ARNT2: variants seen among roughly 807,000 people sequenced by gnomAD.
The protein encoded by ARNT2 is aryl hydrocarbon receptor nuclear translocator 2, also known as ARNT protein 2.
ARNT2 carries 36 observed loss-of-function variants against 91.7 expected under a neutral mutation model. That is an observed-to-expected ratio of 0.39 (90% confidence interval 0.30 to 0.52). ARNT2 has a LOEUF of 0.52. Among genes scored for constraint, ARNT2 ranks in the 20% least tolerant of loss-of-function variants. The pLI is 0.72. For missense variants in ARNT2, 775 were observed against 939.3 expected, an observed-to-expected ratio of 0.83 and a Z score of 2.29; for synonymous variants, 365 against 347.1, an observed-to-expected ratio of 1.05 and a Z score of -0.57.
intron 1 of ARNT2, chr15:80,434,585 A>C (rs1896058151): frequency 6.6e-6 from 1 of 152,546 alleles, no homozygotes; most frequent in Non-Finnish European, 1.5e-5. Flanking sequence ...TCGGGGAGGC[A>C]GAGCATTAGT....
At chr15:80,511,526 A>G (rs968264080) in intron 6 of ARNT2, among the ~76,000 whole-genome samples, 3 of 152,180 alleles carry the variant, frequency 2.0e-5, no homozygotes, top group Non-Finnish European at 2.9e-5. Flanking sequence ...AAAACTAAAA[A>G]AAAAAAGATG....
intron 5 of ARNT2, among the ~76,000 whole-genome samples, chr15:80,505,834 T>C (rs551431501): frequency 6.6e-6 from 1 of 152,118 alleles, no homozygotes; most frequent in African/African-American, 2.4e-5. Context: ...GAATGTGAGA[T>C]GTCAGTGAGA....
chr15:80,567,639 AAGTC>A (rs1898510355), intron 12 of ARNT2, among the ~76,000 whole-genome samples: 1 of 152,212 alleles, frequency 6.6e-6, no homozygotes, highest in South Asian at 2.1e-4. Context: ...ATTTTTCTGA[AAGTC>A]AGGCAGCACT....
At chr15:80,433,408 C>T (rs1286145745) in intron 1 of ARNT2, among the ~76,000 whole-genome samples, 1 of 151,834 alleles carries the variant, frequency 6.6e-6, no homozygotes, top group Non-Finnish European at 1.5e-5. Flanking sequence ...GCCTCAGCCT[C>T]TCGAGTAGCT....
intron 13 of ARNT2, 92 bp downstream of exon 13, chr15:80,574,312 AC>A: frequency 7.9e-7 from 1 of 1,260,800 alleles, no homozygotes; most frequent in East Asian, 2.3e-5. Flanking sequence ...GCCCCTCAAC[AC>A]AAAGGATTGC....
intron 3 of ARNT2, among the ~76,000 whole-genome samples, chr15:80,469,601 A>G (rs987499850): frequency 6.6e-6 from 1 of 152,118 alleles, no homozygotes; most frequent in Non-Finnish European, 1.5e-5. Flanking sequence ...GCAGACAGTA[A>G]CCACATTTGT....
At chr15:80,436,752 C>T (rs776961621) in intron 1 of ARNT2, among the ~76,000 whole-genome samples, 16 of 152,182 alleles carry the variant, frequency 1.1e-4, no homozygotes, top group East Asian at 7.7e-4. Flanking sequence ...GGGATTTTAA[C>T]GTCTCTGCAT....
chr15:80,459,195 G>A (rs962297030), intron 3 of ARNT2, among the ~76,000 whole-genome samples: 1 of 152,164 alleles, frequency 6.6e-6, no homozygotes, highest in African/African-American at 2.4e-5. Flanking sequence ...TTCAGCTTCT[G>A]CTTTGGTTGA....
At chr15:80,590,727 A>G (rs1344543323) in intron 17 of ARNT2, among the ~76,000 whole-genome samples, 3 of 152,252 alleles carry the variant, frequency 2.0e-5, no homozygotes, top group Admixed American at 2.0e-4. Context: ...GGGCAGTGGA[A>G]TAAGACTCTT....
intron 12 of ARNT2, among the ~76,000 whole-genome samples, chr15:80,570,531 A>C (rs1348911185): frequency 1.3e-5 from 2 of 152,162 alleles, no homozygotes; most frequent in African/African-American, 4.8e-5. Flanking sequence ...TTCATTTTTC[A>C]ATTTCTGAAA....
chr15:80,565,786 G>T (rs1440153457), intron 12 of ARNT2, among the ~76,000 whole-genome samples: 4 of 151,910 alleles, frequency 2.6e-5, no homozygotes, highest in African/African-American at 9.7e-5. Context: ...TCATGTCTTT[G>T]TCAAATGCAT....
At chr15:80,584,377 G>C (rs551172708) in intron 17 of ARNT2, among the ~76,000 whole-genome samples, 2 of 152,160 alleles carry the variant, frequency 1.3e-5, no homozygotes, top group African/African-American at 2.4e-5. Flanking sequence ...TGGGAGAAGA[G>C]GGCAGGCTTT....
chr15:80,438,917 G>A (rs8043357), intron 1 of ARNT2, among the ~76,000 whole-genome samples: 28 of 152,088 alleles, frequency 1.8e-4, no homozygotes, highest in Non-Finnish European at 4.1e-4. Flanking sequence ...TCTCGAACTC[G>A]TGACCTCGTG....
intron 1 of ARNT2, among the ~76,000 whole-genome samples, chr15:80,427,218 G>A (rs1895946278): frequency 6.6e-6 from 1 of 152,186 alleles, no homozygotes; most frequent in Admixed American, 6.5e-5. Flanking sequence ...GGCATCAGCA[G>A]GAGGACCTGA....
chr15:80,449,783 C>T (rs1052655808), intron 1 of ARNT2, among the ~76,000 whole-genome samples: 1 of 152,170 alleles, frequency 6.6e-6, no homozygotes, highest in African/African-American at 2.4e-5. Flanking sequence ...TGAAAGGAAA[C>T]AGAGCAGTAG....
chr15:80,412,092 A>C (rs1339022563), intron 1 of ARNT2, among the ~76,000 whole-genome samples: 1 of 152,254 alleles, frequency 6.6e-6, no homozygotes, highest in African/African-American at 2.4e-5. Context: ...CCTCTGATTG[A>C]ATAGTGCAGG....
intron 5 of ARNT2, among the ~76,000 whole-genome samples, chr15:80,479,143 G>C (rs1180476174): frequency 6.6e-6 from 1 of 152,192 alleles, no homozygotes; most frequent in Non-Finnish European, 1.5e-5. Flanking sequence ...ATGTGTGGAG[G>C]TTTGCATGTG....
chr15:80,498,576 C>T (rs1897150529), intron 5 of ARNT2, among the ~76,000 whole-genome samples: 1 of 152,216 alleles, frequency 6.6e-6, no homozygotes, highest in Non-Finnish European at 1.5e-5. Context: ...ATTAGGGGAC[C>T]TGTACCTCCT....
intron 2 of ARNT2, among the ~76,000 whole-genome samples, chr15:80,452,263 T>C (rs1178283269): frequency 6.6e-6 from 1 of 152,222 alleles, no homozygotes; most frequent in African/African-American, 2.4e-5. Flanking sequence ...TTCCCTGTAT[T>C]CAGCACGCTC....
Sources: gnomAD v4.1 joint callset for allele counts (sites outside exome capture counted in the v4.1 genomes callset) on GRCh38, gnomAD v4.1.1 for gene constraint, MANE v1.5 for transcripts, NCBI Gene and HGNC (gene_info 2026-07-23, HGNC 2026-07-21) for gene names.